The following ACP6 variants were observed in gnomAD, a reference collection of about 807,000 sequenced individuals.
ACP6 encodes the protein lysophosphatidic acid phosphatase type 6.
In ACP6, 48 loss-of-function variants were observed where a neutral mutation model predicts 48.1. That is an observed-to-expected ratio of 1.00 (90% confidence interval 0.79 to 1.27). The LOEUF (loss-of-function observed/expected upper bound fraction) is 1.27, where lower values mean the gene tolerates loss of function less well. Ranked by LOEUF, ACP6 falls within the 50% of genes most tolerant of loss-of-function variation. The pLI, the probability that ACP6 is intolerant of heterozygous loss-of-function variation, is 0.00. For missense variants in ACP6, 485 were observed against 529.1 expected, an observed-to-expected ratio of 0.92 and a Z score of 0.82; for synonymous variants, 172 against 204.2, an observed-to-expected ratio of 0.84 and a Z score of 1.34.
At chr1:147,654,100 C>G in intron 6 of ACP6, 94 bp downstream of exon 6, 1 of 1,542,680 alleles carries the variant, frequency 6.5e-7, no homozygotes, top group Non-Finnish European at 8.7e-7. Context: ...GCCTTCAAAC[C>G]AGGAGGCCTC....
At chr1:147,662,185 C>A (rs1269244192) in intron 1 of ACP6, among the ~76,000 whole-genome samples, 1 of 152,188 alleles carries the variant, frequency 6.6e-6, no homozygotes, top group African/African-American at 2.4e-5. Context: ...GACAATGCAC[C>A]TAGTCACCCA....
downstream of ACP6, among the ~76,000 whole-genome samples, chr1:147,639,587 C>T (rs945645808): frequency 5.3e-5 from 8 of 152,202 alleles, no homozygotes; most frequent in African/African-American, 1.4e-4. Context: ...TCTGGGCATC[C>T]CCCAGCTGCT....
downstream of ACP6, among the ~76,000 whole-genome samples, chr1:147,639,784 C>T (rs1195922147): frequency 6.6e-6 from 1 of 152,144 alleles, no homozygotes; most frequent in Non-Finnish European, 1.5e-5. Context: ...TACATCTTTC[C>T]CCTACCTTTG....
In ACP6 at chr1:147,643,700, G is replaced by A. The variant is rs1659525699; in HGVS notation, c.*3723C>T. The A allele has an allele frequency of 6.6e-6, 1 of 152,212 alleles. No homozygotes were observed. The highest frequency in any genetic ancestry group is 2.4e-5 in the African/African-American group (1 of 41,448). 9.4% of individuals were successfully genotyped at this position (152,212 alleles called of 1,614,324 possible). A position where few individuals can be genotyped will look rare whatever the true frequency, so the allele number is the denominator to read the frequency against. ...AAATGTACAAAGTTTCAGTTAAACAGTAGAAATAAGTTTTTGTGATCTAGT... is the reference window on the plus strand; with the variant it reads ...AAATGTACAAAGTTTCAGTTAAACAATAGAAATAAGTTTTTGTGATCTAGT... On this transcript the variant is annotated 3_prime_UTR_variant, in exon 10 of 10. Coordinates refer to ENST00000583509, the MANE Select transcript of ACP6 (RefSeq NM_016361.5).
Position 147,648,356 on chromosome 1 carries a change from G to T in ACP6, c.1033C>A (p.Leu345Met). 6.2e-7 allele frequency: 1 copy of T among 1,614,182 alleles called. No homozygotes were observed. The highest frequency in any genetic ancestry group is 8.5e-7 in the Non-Finnish European group (1 of 1,180,020). The change falls in exon 9 of 10, where the codon CTG becomes ATG. Residue 345 changes from leucine (L) to methionine (M), a missense_variant. Physicochemically the swap from Leu to Met is conservative, Grantham distance 15. Transcript: ENST00000583509. The part of the protein sequence containing the change: ...DVTFIPLLMT[L>M]GIFDHKWPPF... ...GGCCATTTGTGGTCAAAAATCCCCA[G>T]GGTCATTAAGAGCGGTATGAAGGTC...
intron 1 of ACP6, among the ~76,000 whole-genome samples, chr1:147,660,339 T>C (rs1553212541): frequency 6.6e-6 from 1 of 152,216 alleles, no homozygotes; most frequent in African/African-American, 2.4e-5. Flanking sequence ...CCAACTGTGC[T>C]GTAATGATTT....
intron 1 of ACP6, among the ~76,000 whole-genome samples, chr1:147,665,784 G>A (rs1417280): frequency 0.027 from 4,149 of 152,200 alleles, 187 homozygotes; most frequent in African/African-American, 0.095. Context: ...TCCAGGTCAC[G>A]TCAAGTCTAA....
At chr1:147,638,191 T>C (rs1659348851), downstream of ACP6, among the ~76,000 whole-genome samples, 3 of 152,230 alleles carry the variant, frequency 2.0e-5, no homozygotes, top group Non-Finnish European at 2.9e-5. Context: ...CAAGGGATAA[T>C]AAACACTTAA....
Position 147,661,970 on chromosome 1 carries a change from C to T in ACP6, c.220-2195G>A, listed in dbSNP as rs1660568186. On this transcript the variant is annotated intron_variant, in intron 1 of 9. Transcript: ENST00000583509. The stretch of plus-strand genomic sequence containing the variant: ...TGCAGCTGGTTTCCTTAAGGTGAAG[C>T]CAAGGCTCATTTACTATTCTGCAAA... 2.6e-5 allele frequency among the ~76,000 whole-genome samples: 4 copies of T among 152,286 alleles called. No individual in the cohort carries two copies. In the South Asian group the frequency reaches 8.3e-4, roughly 32 times the overall value.
chr1:147,653,384 C>T (rs1349656517), intron 6 of ACP6, among the ~76,000 whole-genome samples: 2 of 152,000 alleles, frequency 1.3e-5, no homozygotes, highest in Admixed American at 6.5e-5. Flanking sequence ...CCACCTCAGC[C>T]TCCCAAAGTG....
rs587618055 is a variant in ACP6 at position 147,647,775 on chromosome 1, T to A, written c.1144-209A>T. On this transcript the variant is annotated intron_variant, in intron 9 of 9. Coordinates refer to ENST00000583509, the MANE Select transcript of ACP6 (RefSeq NM_016361.5). ...GTCACTCAAAAAGTGTTGAATTGAC[T>A]GGGAAGAAAGAGTCGAGTTACATCC... 2.4e-5 allele frequency: 16 copies of A among 679,104 alleles called. No individual in the cohort carries two copies. In the South Asian group the frequency reaches 2.9e-4, roughly 13 times the overall value. 42.1% of individuals were successfully genotyped at this position (679,104 alleles called of 1,614,324 possible).
Position 147,670,306 on chromosome 1 carries a change from CT to C in ACP6, c.-259del. On this transcript the variant is annotated 5_prime_UTR_variant, in exon 1 of 10. It removes the in-frame stop codon of an upstream open reading frame in the 5' UTR. Coordinates refer to ENST00000583509, the MANE Select transcript of ACP6 (RefSeq NM_016361.5). ...CCCGGGTCGGGGTTGGTCGCTCCTG[CT>C]GCACACCGGGCCGGGGGAGATCGGA... The C allele has an allele frequency of 4.7e-6, 2 of 422,246 alleles. No individual in the cohort carries two copies. Among genetic ancestry groups the C allele is most frequent in the Non-Finnish European group, 8.6e-6 (2 of 233,448 alleles). The allele number at this position is 422,246 out of a possible 1,614,324, so 26.2% of individuals were successfully genotyped here.
chr1:147,634,882 T>C (rs1659257504), intron 5 of ACP6, among the ~76,000 whole-genome samples: 1 of 152,212 alleles, frequency 6.6e-6, no homozygotes, highest in African/African-American at 2.4e-5. Context: ...GCTGCCCACA[T>C]TGAAGACAGG....
chr1:147,647,947 G>T, intron 9 of ACP6: 1 of 495,776 alleles, frequency 2.0e-6, no homozygotes, highest in East Asian at 3.4e-5. Flanking sequence ...CTCCAAAACA[G>T]GTCTCACAGC....
chr1:147,647,432 A>G lies in ACP6; in HGVS notation c.1278T>C (p.Asn426=). 6.2e-7 allele frequency: 1 copy of G among 1,614,076 alleles called. No individual in the cohort carries two copies. Among genetic ancestry groups the G allele is most frequent in the Non-Finnish European group, 8.5e-7 (1 of 1,180,030 alleles). The part of the protein sequence containing the change: ...CSQTQVMEVG[N]EE ...TGCTTTTATAAATCAGTTACTCTTC[A>G]TTTCCAACTTCCATCACCTGAGTTT... Residue 426 remains asparagine (N), a synonymous_variant, in exon 10 of 10, where the codon AAT becomes AAC. Transcript: ENST00000583509.
rs1167193238 is a variant in ACP6 at position 147,645,720 on chromosome 1, G to A, written c.*1703C>T. On this transcript the variant is annotated 3_prime_UTR_variant, in exon 10 of 10. Transcript: ENST00000583509. Reference sequence around the variant, plus strand: ...ACTTAATTGTAGCTGGTTCATGAGAGAACTGGAAGGGAAGAATTAGAGGTA... The same window carrying A: ...ACTTAATTGTAGCTGGTTCATGAGAAAACTGGAAGGGAAGAATTAGAGGTA... 2 of 152,212 alleles carry A rather than the reference G, an allele frequency of 1.3e-5. No homozygotes were observed. The highest frequency in any genetic ancestry group is 4.8e-5 in the African/African-American group (2 of 41,440). 9.4% of individuals were successfully genotyped at this position (152,212 alleles called of 1,614,324 possible).
At chr1:147,663,588 A>G (rs1230262552) in intron 1 of ACP6, among the ~76,000 whole-genome samples, 1 of 152,090 alleles carries the variant, frequency 6.6e-6, no homozygotes, top group Non-Finnish European at 1.5e-5. Flanking sequence ...AGGTGGGAGC[A>G]TCACTTGAGG....
At chr1:147,633,507 C>CTTTT (rs1273370053) in intron 5 of ACP6, among the ~76,000 whole-genome samples, 1 of 147,050 alleles carries the variant, frequency 6.8e-6, no homozygotes, top group Non-Finnish European at 1.5e-5. Flanking sequence ...GCAAAAGTTT[C>CTTTT]TTTTTTTTTT....
chr1:147,667,443 C>A (rs1379007563), intron 1 of ACP6, among the ~76,000 whole-genome samples: 1 of 152,084 alleles, frequency 6.6e-6, no homozygotes, highest in Non-Finnish European at 1.5e-5. Flanking sequence ...ATCTCGAACT[C>A]CTGACCTCTT....
Sources: allele counts gnomAD v4.1 joint callset (sites outside exome capture counted in the v4.1 genomes callset), GRCh38; gene constraint gnomAD v4.1.1; transcripts MANE v1.5; gene names NCBI Gene and HGNC (gene_info 2026-07-23, HGNC 2026-07-21).